The following CEP70 variants were observed in gnomAD, a reference collection of about 807,000 sequenced individuals.
The protein encoded by CEP70 is centrosomal protein of 70 kDa.
CEP70 carries 70 observed loss-of-function variants against 90.9 expected under a neutral mutation model. That is an observed-to-expected ratio of 0.77 (90% CI 0.64 to 0.94). CEP70 has a LOEUF of 0.94. CEP70 is among the 40% of genes least tolerant of loss of function. The probability of loss-of-function intolerance (pLI) is 0.00; values close to 1 mark genes in which losing one functional copy is unlikely to be tolerated. For missense variants in CEP70, 648 were observed against 669.0 expected (o/e 0.97, Z 0.35); for synonymous variants, 220 against 228.3 (o/e 0.96, Z 0.33).
intron 7 of CEP70, 126 bp downstream of exon 7, chr3:138,537,052 G>C: frequency 2.2e-6 from 1 of 461,636 alleles, no homozygotes; most frequent in South Asian, 6.6e-5. Flanking sequence ...CAATGCAGAA[G>C]AGGAGGAGAG....
chr3:138,495,138 A>C, intron 17 of CEP70, 62 bp from the exon 18 acceptor site: 1 of 1,003,254 alleles, frequency 1.0e-6, no homozygotes, highest in Non-Finnish European at 1.5e-6. Flanking sequence ...AACTCACATG[A>C]AACAAGAACC....
chr3:138,533,944 C>T (rs1188009682), intron 7 of CEP70, among the ~76,000 whole-genome samples: 1 of 152,034 alleles, frequency 6.6e-6, no homozygotes, highest in African/African-American at 2.4e-5. Context: ...GCCACCACGC[C>T]CAGCTAATTT....
chr3:138,575,625 G>T (rs2041463560), intron 2 of CEP70, among the ~76,000 whole-genome samples: 1 of 152,136 alleles, frequency 6.6e-6, no homozygotes, highest in Non-Finnish European at 1.5e-5. Flanking sequence ...TCCTCGAGAA[G>T]AGCAACCCTA....
intron 2 of CEP70, among the ~76,000 whole-genome samples, chr3:138,579,308 G>A (rs2041723443): frequency 1.3e-5 from 2 of 152,188 alleles, no homozygotes; most frequent in South Asian, 2.1e-4. Context: ...CAACTCCAAG[G>A]CAAGTCCTAG....
intron 11 of CEP70, among the ~76,000 whole-genome samples, chr3:138,520,958 G>A (rs534774190): frequency 5.8e-4 from 89 of 152,248 alleles, no homozygotes; most frequent in Non-Finnish European, 1.1e-3. Context: ...GCAGGTGTGC[G>A]CTGCCACGCC....
At chr3:138,579,253 G>A (rs1313293999) in intron 2 of CEP70, among the ~76,000 whole-genome samples, 1 of 152,070 alleles carries the variant, frequency 6.6e-6, no homozygotes, top group African/African-American at 2.4e-5. Flanking sequence ...AAAGTGCTCT[G>A]GGGTCCTAAA....
intron 6 of CEP70, among the ~76,000 whole-genome samples, chr3:138,541,681 G>A (rs2038780717): frequency 6.6e-6 from 1 of 152,208 alleles, no homozygotes; most frequent in Non-Finnish European, 1.5e-5. Context: ...TAATTGTGGT[G>A]TGTAATCCAG....
chr3:138,540,039 G>T (rs1393756250), intron 6 of CEP70, among the ~76,000 whole-genome samples: 1 of 152,164 alleles, frequency 6.6e-6, no homozygotes, highest in African/African-American at 2.4e-5. Context: ...TACAGAATGG[G>T]AGGAGACATC....
At chr3:138,555,020 G>C (rs964862318) in intron 6 of CEP70, among the ~76,000 whole-genome samples, 1 of 152,078 alleles carries the variant, frequency 6.6e-6, no homozygotes, top group Non-Finnish European at 1.5e-5. Context: ...TCTGGGAGGC[G>C]GGTAGATCAT....
chr3:138,523,132 T>C (rs1426976849), intron 11 of CEP70, among the ~76,000 whole-genome samples: 5 of 152,046 alleles, frequency 3.3e-5, no homozygotes, highest in Non-Finnish European at 7.3e-5. Flanking sequence ...ACCATATAAT[T>C]ATCTCAATAG....
intron 2 of CEP70, among the ~76,000 whole-genome samples, chr3:138,575,203 GA>G (rs761937998): frequency 9.9e-5 from 15 of 152,012 alleles, no homozygotes; most frequent in Non-Finnish European, 2.2e-4. Flanking sequence ...TAAAAACCTT[GA>G]AAAAAGATTA....
intron 2 of CEP70, among the ~76,000 whole-genome samples, chr3:138,587,266 TAG>T (rs1487783516): frequency 1.4e-5 from 2 of 143,028 alleles, no homozygotes; most frequent in East Asian, 4.4e-4. Flanking sequence ...TTAAGAGAAA[TAG>T]AGATTAAAAG....
intron 11 of CEP70, among the ~76,000 whole-genome samples, chr3:138,518,972 C>A (rs1015763261): frequency 6.6e-6 from 1 of 152,072 alleles, no homozygotes; most frequent in Non-Finnish European, 1.5e-5. Flanking sequence ...ATAACCAATG[C>A]AGAGAAGTCC....
intron 6 of CEP70, among the ~76,000 whole-genome samples, chr3:138,568,953 C>T (rs1261777907): frequency 6.6e-6 from 1 of 151,046 alleles, no homozygotes; most frequent in South Asian, 2.1e-4. Flanking sequence ...CACACCACAT[C>T]AGCCTGGGAA....
At chr3:138,521,720 G>A (rs996769327) in intron 11 of CEP70, among the ~76,000 whole-genome samples, 9 of 150,402 alleles carry the variant, frequency 6.0e-5, no homozygotes, top group Non-Finnish European at 1.0e-4. Context: ...GAGACCCTCT[G>A]CCCCGCCGCC....
chr3:138,551,625 A>C (rs986958558), intron 6 of CEP70, among the ~76,000 whole-genome samples: 3 of 151,896 alleles, frequency 2.0e-5, no homozygotes, highest in Non-Finnish European at 4.4e-5. Flanking sequence ...GTGTGTCTGT[A>C]GTTCCAGCTA....
At chr3:138,525,069 G>A (rs377054732) in intron 11 of CEP70, among the ~76,000 whole-genome samples, 1 of 152,142 alleles carries the variant, frequency 6.6e-6, no homozygotes, top group Admixed American at 6.5e-5. Context: ...ATACACCATG[G>A]AATACTATGC....
intron 17 of CEP70, among the ~76,000 whole-genome samples, chr3:138,495,309 C>T (rs934344782): frequency 2.0e-5 from 3 of 152,198 alleles, no homozygotes; most frequent in Non-Finnish European, 4.4e-5. Flanking sequence ...CAAGTACCCT[C>T]TGATTCTAGT....
At chr3:138,539,914 G>C (rs2038608320) in intron 6 of CEP70, among the ~76,000 whole-genome samples, 1 of 152,270 alleles carries the variant, frequency 6.6e-6, no homozygotes, top group Admixed American at 6.5e-5. Context: ...AATGAGTAAA[G>C]ATTTCATGAC....
Sources: allele counts gnomAD v4.1 joint callset (sites outside exome capture counted in the v4.1 genomes callset), GRCh38; gene constraint gnomAD v4.1.1; transcripts MANE v1.5; gene names NCBI Gene and HGNC (gene_info 2026-07-23, HGNC 2026-07-21).